Variants in LEKR1 observed in about 807,000 individuals in gnomAD.
The protein encoded by LEKR1 is leucine, glutamate and lysine rich 1.
Under a neutral mutation model 72.4 loss-of-function variants are expected in LEKR1, and 59 were observed. That is an observed-to-expected ratio of 0.82 (90% CI 0.66 to 1.01). LEKR1 has a LOEUF of 1.01. Among genes scored for constraint, LEKR1 ranks in the 50% least tolerant of loss-of-function variants. The pLI is 0.00. For synonymous variants in LEKR1, 257 were observed against 263.2 expected (o/e 0.98, Z 0.23); for missense variants, 728 against 759.2 (o/e 0.96, Z 0.48).
intron 3 of LEKR1, among the ~76,000 whole-genome samples, chr3:156,855,388 C>T (rs1455592998): frequency 6.6e-6 from 1 of 151,878 alleles, no homozygotes; most frequent in African/African-American, 2.4e-5. Flanking sequence ...TGTTTTTTGC[C>T]AATGAAGCTG....
chr3:157,030,066 T>C (rs1322596265), intron 12 of LEKR1, among the ~76,000 whole-genome samples: 3 of 152,106 alleles, frequency 2.0e-5, no homozygotes, highest in Non-Finnish European at 4.4e-5. Flanking sequence ...ACAGGAAGCA[T>C]AGTTCTGGCG....
At chr3:156,854,963 A>T (rs1175296977) in intron 3 of LEKR1, among the ~76,000 whole-genome samples, 1 of 152,184 alleles carries the variant, frequency 6.6e-6, no homozygotes, top group Non-Finnish European at 1.5e-5. Flanking sequence ...ACTTAACTAT[A>T]TATATTGGAA....
intron 10 of LEKR1, among the ~76,000 whole-genome samples, chr3:157,013,758 A>G (rs143086722): frequency 1.7e-4 from 26 of 152,236 alleles, no homozygotes; most frequent in Non-Finnish European, 2.9e-4. Context: ...TCTCATGAGA[A>G]AGGAGAATCA....
At chr3:157,025,714 C>A (rs573142570) in intron 11 of LEKR1, among the ~76,000 whole-genome samples, 4 of 152,190 alleles carry the variant, frequency 2.6e-5, no homozygotes, top group Non-Finnish European at 5.9e-5. Flanking sequence ...TATTGCTTTG[C>A]AGATACTACC....
intron 3 of LEKR1, among the ~76,000 whole-genome samples, chr3:156,899,625 CATATATACACGCATATATACACAT>C (rs1721749248): frequency 6.8e-5 from 6 of 88,564 alleles, no homozygotes; most frequent in African/African-American, 1.0e-4. Flanking sequence ...CATATATACA[CATATATACACGCATATATACACAT>C]ATATACACGC....
intron 3 of LEKR1, among the ~76,000 whole-genome samples, chr3:156,914,110 T>C (rs112128888): frequency 3.3e-5 from 5 of 152,284 alleles, no homozygotes; most frequent in African/African-American, 9.6e-5. Flanking sequence ...TCCTTGGTAT[T>C]CTCTAATTCC....
intron 3 of LEKR1, among the ~76,000 whole-genome samples, chr3:156,853,499 C>T (rs761413880): frequency 7.2e-5 from 11 of 152,008 alleles, no homozygotes; most frequent in Non-Finnish European, 1.0e-4. Context: ...CCTAAAGACA[C>T]TTCAGTGAGC....
At chr3:156,828,785 T>C (rs866958358) in intron 1 of LEKR1, among the ~76,000 whole-genome samples, 1 of 152,328 alleles carries the variant, frequency 6.6e-6, no homozygotes, top group Middle Eastern at 3.4e-3. Context: ...CACTCTTCTG[T>C]TCAGTGTTTG....
intron 2 of LEKR1, among the ~76,000 whole-genome samples, chr3:156,841,967 G>C (rs1307720884): frequency 1.3e-5 from 2 of 152,194 alleles, no homozygotes; most frequent in East Asian, 1.9e-4. Context: ...CCTCCTGTCA[G>C]ATCAGCAGCA....
intron 3 of LEKR1, among the ~76,000 whole-genome samples, chr3:156,889,062 T>TG (rs779220830): frequency 2.6e-5 from 4 of 152,158 alleles, no homozygotes; most frequent in Non-Finnish European, 5.9e-5. Flanking sequence ...ATTATCATTT[T>TG]CTCCATTTCC....
chr3:156,851,941 C>T (rs1295888484), intron 2 of LEKR1, among the ~76,000 whole-genome samples: 1 of 152,120 alleles, frequency 6.6e-6, no homozygotes, highest in Admixed American at 6.6e-5. Context: ...GAACTATCTC[C>T]CTTCTGACTT....
At chr3:156,851,878 T>A (rs1309421909) in intron 2 of LEKR1, among the ~76,000 whole-genome samples, 2 of 152,028 alleles carry the variant, frequency 1.3e-5, no homozygotes, top group Non-Finnish European at 2.9e-5. Flanking sequence ...CCTTTATGAA[T>A]AGGAAAACAA....
At chr3:157,003,710 T>G (rs1288584348) in intron 9 of LEKR1, among the ~76,000 whole-genome samples, 1 of 152,138 alleles carries the variant, frequency 6.6e-6, no homozygotes, top group Non-Finnish European at 1.5e-5. Context: ...TTTTCCCATA[T>G]AAGGAAACAT....
chr3:157,038,434 A>T (rs1041548386), intron 12 of LEKR1, among the ~76,000 whole-genome samples: 4 of 152,206 alleles, frequency 2.6e-5, no homozygotes, highest in African/African-American at 4.8e-5. Flanking sequence ...CAATATGTCC[A>T]TAGGGAAGGC....
intron 6 of LEKR1, among the ~76,000 whole-genome samples, chr3:156,975,947 C>T (rs1729650877): frequency 6.6e-6 from 1 of 152,122 alleles, no homozygotes; most frequent in South Asian, 2.1e-4. Context: ...ATTTCTTTAA[C>T]TATAGAGAAG....
chr3:156,873,341 T>C (rs1430086478), intron 3 of LEKR1, among the ~76,000 whole-genome samples: 1 of 152,052 alleles, frequency 6.6e-6, no homozygotes, highest in East Asian at 1.9e-4. Context: ...AAGCAGCATA[T>C]AATTGTGTCA....
chr3:157,016,832 A>T (rs1445920369), intron 10 of LEKR1, among the ~76,000 whole-genome samples: 4 of 152,222 alleles, frequency 2.6e-5, no homozygotes. Context: ...ACATGTAGTG[A>T]TATGTCATTA....
chr3:156,958,161 T>G (rs535450435), intron 6 of LEKR1, among the ~76,000 whole-genome samples: 1 of 152,274 alleles, frequency 6.6e-6, no homozygotes, highest in African/African-American at 2.4e-5. Context: ...TTGGTTTTTT[T>G]GTTTTGTTTT....
In LEKR1 at chr3:156,934,948, C is replaced by T. The variant is rs185188981; in HGVS notation, c.559+7344C>T. ...CATGAACATGTAGGTTGATCATAGTCTGGCTATTGTAAATAAGGCATCACT... is the reference window on the plus strand; with the variant it reads ...CATGAACATGTAGGTTGATCATAGTTTGGCTATTGTAAATAAGGCATCACT... On this transcript the variant is annotated intron_variant, in intron 5 of 12. Coordinates refer to ENST00000356539, the MANE Select transcript of LEKR1 (RefSeq NM_001004316.3). Among the ~76,000 whole-genome samples the T allele has an allele frequency of 9.9e-5, 15 of 152,152 alleles. No homozygotes were observed. The East Asian group carries it at 2.9e-3, about 29-fold the overall frequency.
Sources: allele counts gnomAD v4.1 joint callset (sites outside exome capture counted in the v4.1 genomes callset), GRCh38; gene constraint gnomAD v4.1.1; transcripts MANE v1.5; gene names NCBI Gene and HGNC (gene_info 2026-07-23, HGNC 2026-07-21).